Variants in BEGAIN observed in about 807,000 individuals in gnomAD.
BEGAIN encodes the protein brain enriched guanylate kinase associated.
In BEGAIN, 19 loss-of-function variants were observed where a neutral mutation model predicts 35.8. That is an observed-to-expected ratio of 0.53 (90% CI 0.37 to 0.78). The LOEUF (loss-of-function observed/expected upper bound fraction) is 0.78. Among genes scored for constraint, BEGAIN ranks in the 30% least tolerant of loss-of-function variants. The pLI is 0.00. For missense variants in BEGAIN, 795 were observed against 853.6 expected (o/e 0.93, Z 0.85); for synonymous variants, 462 against 388.6 (o/e 1.19, Z -2.22).
chr14:100,546,410 C>CCTCACCTG, intron 3 of BEGAIN, 91 bp downstream of exon 3: 2 of 59,764 alleles, frequency 3.3e-5, no homozygotes, highest in African/African-American at 2.1e-4. Context: ...TCGCCCCGCC[C>CCTCACCTG]CGGCCCTCGC....
rs1488900505 is a variant in BEGAIN at position 100,546,792 on chromosome 14, A to G, written c.72-130T>C. 2.2e-5 allele frequency: 13 copies of G among 593,064 alleles called. No individual in the cohort carries two copies. The East Asian group carries it at 2.9e-4, about 13-fold the overall frequency. The allele number at this position is 593,064 out of a possible 1,614,324, so 36.7% of individuals were successfully genotyped here. On this transcript the variant is annotated intron_variant, in intron 2 of 6. Transcript: ENST00000554140. ...CGCGCGCGCGCGCGCACACACACAC[A>G]CACACACACACACACACACACTCAC...
intron 1 of BEGAIN, among the ~76,000 whole-genome samples, chr14:100,585,448 CCATCCATCCATT>C (rs1364227916): frequency 8.5e-4 from 121 of 141,972 alleles, no homozygotes; most frequent in East Asian, 5.1e-3. Context: ...ATCCATCCAT[CCATCCATCCATT>C]CATCCATCCA....
Position 100,538,698 on chromosome 14 carries a change from C to T in BEGAIN, c.1110G>A (p.Lys370=). The T allele has an allele frequency of 5.1e-6, 8 of 1,559,512 alleles. No individual in the cohort carries two copies. Among genetic ancestry groups the T allele is most frequent in the Non-Finnish European group, 6.9e-6 (8 of 1,152,058 alleles). ...GCGGGGCCGCCACCGCGGCCGTGGC[C>T]TTGGCAAAGCGAGGGCTGCCCTCGT... ...TTYEGSPRFA[K]ATAAVAAPLE... The change falls in exon 7 of 7, where the codon AAG becomes AAA. Residue 370 remains lysine, a synonymous_variant. Coordinates refer to ENST00000554140, the MANE Select transcript of BEGAIN (RefSeq NM_001385089.1).
At position 100,541,574 on chromosome 14, in the gene BEGAIN, C is replaced by T. The variant is rs117454580; in HGVS notation, c.409-995G>A. Among the ~76,000 whole-genome samples, 153 of 152,328 alleles carry T rather than the reference C, an allele frequency of 1.0e-3. 1 individual carries two copies. The East Asian group carries it at 0.023, about 23-fold the overall frequency. ...TGGGCCTCCTAGGAACAGAACAGCA[C>T]GGCTGCCTGAGAGCTGAGAACTGAC... On this transcript the variant is annotated intron_variant, in intron 5 of 6. Transcript: ENST00000554140.
intron 2 of BEGAIN, among the ~76,000 whole-genome samples, chr14:100,560,409 C>T (rs2034138041): frequency 6.6e-6 from 1 of 152,232 alleles, no homozygotes; most frequent in Non-Finnish European, 1.5e-5. Context: ...CTCAGCAAAG[C>T]CCTGCCCAGG....
At chr14:100,550,663 T>TTGC (rs2033102957) in intron 2 of BEGAIN, among the ~76,000 whole-genome samples, 1 of 151,944 alleles carries the variant, frequency 6.6e-6, no homozygotes, top group African/African-American at 2.4e-5. Flanking sequence ...GGAAAACTTG[T>TTGC]CATCTGCAAA....
intron 2 of BEGAIN, among the ~76,000 whole-genome samples, chr14:100,560,335 T>C (rs968167212): frequency 3.3e-5 from 5 of 152,188 alleles, no homozygotes; most frequent in African/African-American, 1.2e-4. Context: ...CAGCTCTGTG[T>C]CTTGGGTCCT....
rs1320405983 is a variant in BEGAIN, at chr14:100,538,123, T to A, written c.1685A>T (p.Asp562Val). The stretch of plus-strand genomic sequence containing the variant: ...CTCCATGGAGCTCGGCTCCAAGGAG[T>A]CCCTGGAACCCTGCTCGGGCTCAGG... ...SSPEPEQGSR[D>V]SLEPSSMEAS... Residue 562 changes from aspartate to valine, a missense_variant, in exon 7 of 7, where the codon GAC (aspartate) becomes GTC (valine). By Grantham distance (152) the Asp-to-Val change is radical. Transcript: ENST00000554140. 1 of 1,551,724 alleles carries A rather than the reference T, an allele frequency of 6.4e-7. No individual in the cohort carries two copies. The highest frequency in any genetic ancestry group is 1.9e-5 in the Admixed American group (1 of 51,826).
In BEGAIN at chr14:100,542,596, G is replaced by A. The variant is rs142601581; in HGVS notation, c.408+1262C>T. Among the ~76,000 whole-genome samples the A allele has an allele frequency of 1.6e-4, 24 of 152,354 alleles. No homozygotes were observed. In the East Asian group the frequency reaches 4.6e-3, roughly 29 times the overall value. On this transcript the variant is annotated intron_variant, in intron 5 of 6. Coordinates refer to ENST00000554140, the MANE Select transcript of BEGAIN (RefSeq NM_001385089.1). ...CAGGAAATGGCAGGCAACTCCTTTT[G>A]TTTGGGCTCTGAATCCTGTAGCTGG...
At position 100,568,592 on chromosome 14, in the gene BEGAIN, C is replaced by G. The variant is rs2034922815; in HGVS notation, c.43-653G>C. The G allele has an allele frequency of 1.7e-6, 2 of 1,163,036 alleles. No individual in the cohort carries two copies. Among genetic ancestry groups the G allele is most frequent in the African/African-American group, 1.6e-5 (1 of 62,400 alleles). 72.0% of individuals were successfully genotyped at this position (1,163,036 alleles called of 1,614,324 possible). A position where few individuals can be genotyped will look rare whatever the true frequency, so the allele number is the denominator to read the frequency against. Reference sequence around the variant, plus strand: ...CCGGCTCGCCGGCGGGGCTCCCTGCCTTGCTTGCGCAGACCCGCCCGCGCG... The same window carrying G: ...CCGGCTCGCCGGCGGGGCTCCCTGCGTTGCTTGCGCAGACCCGCCCGCGCG... On this transcript the variant is annotated intron_variant, in intron 1 of 6. Transcript: ENST00000554140. The surrounding 1 kb of genome is among the most constrained non-coding windows in gnomAD (Gnocchi z 7.5).
chr14:100,547,704 G>A (rs536343839), intron 2 of BEGAIN: 80 of 152,456 alleles, frequency 5.2e-4, no homozygotes, highest in Non-Finnish European at 1.1e-3. Context: ...AGATGGGGAC[G>A]GGACAGGCAG....
chr14:100,572,425 C>T (rs1460535918), intron 1 of BEGAIN, among the ~76,000 whole-genome samples: 1 of 152,146 alleles, frequency 6.6e-6, no homozygotes, highest in East Asian at 1.9e-4. Context: ...GGTTCCTGTC[C>T]CAGCTCTGCC....
At position 100,562,512 on chromosome 14, in the gene BEGAIN, G is replaced by A. The variant is rs144441529; in HGVS notation, c.71+5399C>T. 5.2e-3 allele frequency among the ~76,000 whole-genome samples: 784 copies of A among 152,138 alleles called. 11 individuals carry two copies. Among genetic ancestry groups the A allele is most frequent in the African/African-American group, 0.018 (750 of 41,486 alleles). On this transcript the variant is annotated intron_variant, in intron 2 of 6. Transcript: ENST00000554140. Reference sequence around the variant, plus strand: ...AGAAAGTCCATCCTTTTAGCTGCTCGTGCCCAATGCCCTGGAGTTGTCTTT... The same window carrying A: ...AGAAAGTCCATCCTTTTAGCTGCTCATGCCCAATGCCCTGGAGTTGTCTTT...
chr14:100,557,361 C>T (rs934215050), intron 2 of BEGAIN, among the ~76,000 whole-genome samples: 3 of 152,246 alleles, frequency 2.0e-5, no homozygotes, highest in African/African-American at 7.2e-5. Flanking sequence ...GAGAGATGAC[C>T]GCCATGGCGG....
Position 100,538,153 on chromosome 14 carries a change from C to G in BEGAIN, c.1655G>C (p.Ser552Thr). 6.5e-7 allele frequency: 1 copy of G among 1,534,312 alleles called. No homozygotes were observed. The highest frequency in any genetic ancestry group is 8.7e-7 in the Non-Finnish European group (1 of 1,144,086). Residue 552 changes from serine (S) to threonine (T), a missense_variant, in exon 7 of 7, where the codon AGC (serine) becomes ACC (threonine). Transcript: ENST00000554140. ...RLGVQLCGTA[S>T]SPEPEQGSRD... is the part of the protein sequence containing the mutation. Reference sequence around the variant, plus strand: ...GGAACCCTGCTCGGGCTCAGGGCTGCTGGCGGTCCCACACAGCTGCACCCC... The same window carrying G: ...GGAACCCTGCTCGGGCTCAGGGCTGGTGGCGGTCCCACACAGCTGCACCCC...
At chr14:100,585,435 TC>T in intron 1 of BEGAIN, among the ~76,000 whole-genome samples, 1 of 121,074 alleles carries the variant, frequency 8.3e-6, no homozygotes, top group Non-Finnish European at 1.7e-5. Flanking sequence ...CATCCATCCA[TC>T]CATCCATCCA....
chr14:100,564,694 C>T (rs2034550498), intron 2 of BEGAIN, among the ~76,000 whole-genome samples: 1 of 152,150 alleles, frequency 6.6e-6, no homozygotes, highest in Admixed American at 6.5e-5. Flanking sequence ...TACCATGTGG[C>T]CCCCCGGCCT....
intron 1 of BEGAIN, among the ~76,000 whole-genome samples, chr14:100,571,924 C>T (rs187045113): frequency 6.6e-6 from 1 of 152,282 alleles, no homozygotes; most frequent in African/African-American, 2.4e-5. Flanking sequence ...TCGGTGAGGC[C>T]CGACAGCAGA....
In BEGAIN at chr14:100,561,104, G is replaced by A. The variant is rs75239188; in HGVS notation, c.71+6807C>T. Among the ~76,000 whole-genome samples, 1,319 of 152,264 alleles carry A rather than the reference G, an allele frequency of 8.7e-3. 18 individuals are homozygous for A. Among genetic ancestry groups the A allele is most frequent in the African/African-American group, 0.03 (1,241 of 41,562 alleles). On this transcript the variant is annotated intron_variant, in intron 2 of 6. Coordinates refer to ENST00000554140, the MANE Select transcript of BEGAIN (RefSeq NM_001385089.1). The stretch of plus-strand genomic sequence containing the variant: ...CCCTGAGAAACAGGCACGTGGCATC[G>A]CCTCCTCTGAAACACCCAGCCACTG...
Sources: allele counts gnomAD v4.1 joint callset (sites outside exome capture counted in the v4.1 genomes callset), GRCh38; gene constraint gnomAD v4.1.1; non-coding constraint Gnocchi (gnomAD v3.1); transcripts MANE v1.5; gene names NCBI Gene and HGNC (gene_info 2026-07-23, HGNC 2026-07-21).